KMT2B: variants seen among roughly 807,000 people sequenced by gnomAD.
KMT2B encodes lysine methyltransferase 2B.
Under a neutral mutation model 255.3 loss-of-function variants are expected in KMT2B, and 22 were observed. That is an observed-to-expected ratio of 0.09 (90% CI 0.06 to 0.12). The LOEUF (loss-of-function observed/expected upper bound fraction) is 0.12. KMT2B is among the 10% of genes least tolerant of loss of function. The pLI, the probability that KMT2B is intolerant of heterozygous loss-of-function variation, is 1.00. For missense variants in KMT2B, 3,149 were observed against 3,737.0 expected, an observed-to-expected ratio of 0.84 and a Z score of 4.10; for synonymous variants, 1,730 against 1,498.1, an observed-to-expected ratio of 1.15 and a Z score of -3.57.
At position 35,718,474 on chromosome 19, in the gene KMT2B, G is replaced by A. The variant is rs1393603786; in HGVS notation, c.363+93G>A. On this transcript the variant is annotated intron_variant, in intron 1 of 36. Transcript: ENST00000420124. This position sits in a 1 kb window ranked among gnomAD's most constrained non-coding sequence, Gnocchi z 5.0. ...GTCCCGGGGGCGGCGTGGGCAGGCC[G>A]GGTCCTCAGGGTTCCTTCGGAGAGA... The A allele has an allele frequency of 2.8e-5, 33 of 1,179,206 alleles. No homozygotes were observed. In the East Asian group the frequency reaches 1.2e-3, roughly 42 times the overall value. 73.0% of individuals were successfully genotyped at this position (1,179,206 alleles called of 1,614,324 possible). A position where few individuals can be genotyped will look rare whatever the true frequency, so the allele number is the denominator to read the frequency against.
In KMT2B at chr19:35,727,089, G is replaced by T; in HGVS notation, c.4004-67G>T. 8.7e-7 allele frequency: 1 copy of T among 1,147,078 alleles called. No homozygotes were observed. Among genetic ancestry groups the T allele is most frequent in the South Asian group, 1.4e-5 (1 of 73,174 alleles). 71.1% of individuals were successfully genotyped at this position (1,147,078 alleles called of 1,614,324 possible). ...GGCAGCTAAGGTACTGCTAATCCTT[G>T]AACAGAGACACTCAGGGCTGAGTGG... is the stretch of plus-strand genomic sequence containing the variant. On this transcript the variant is annotated intron_variant, in intron 14 of 36. Coordinates refer to ENST00000420124, the MANE Select transcript of KMT2B (RefSeq NM_014727.3). This position sits in a 1 kb window ranked among gnomAD's most constrained non-coding sequence, Gnocchi z 4.2.
chr19:35,724,810 C>G (rs996879032), intron 9 of KMT2B, 79 bp downstream of exon 9: 10 of 1,309,228 alleles, frequency 7.6e-6, no homozygotes, highest in South Asian at 7.6e-5. Context: ...ACCTGAGTGT[C>G]GTGGTGTGTC....
rs747264846 is a variant in KMT2B at position 35,723,043 on chromosome 19, G to C, written c.2771G>C (p.Arg924Pro). ...GAGAGTGTCCCGTCACGGTCCCGGC[G>C]GGGAAAGGTGGAGGCAGCAGGCCCT... ...ETESVPSRSR[R>P]GKVEAAGPGG... The change falls in exon 6 of 37, where the codon CGG (arginine) becomes CCG (proline). Residue 924 changes from arginine to proline, a missense_variant. Physicochemically the swap from Arg to Pro is moderately radical, Grantham distance 103. This residue lies in a region of KMT2B where 132 missense variants were observed against 174.7 expected (regional missense o/e 0.76). Transcript: ENST00000420124. The surrounding 1 kb of genome is among the most constrained non-coding windows in gnomAD (Gnocchi z 7.5). 1.4e-5 allele frequency: 22 copies of C among 1,611,666 alleles called. No individual in the cohort carries two copies. The highest frequency in any genetic ancestry group is 1.7e-5 in the Non-Finnish European group (20 of 1,178,854).
intron 1 of KMT2B, among the ~76,000 whole-genome samples, chr19:35,719,180 C>T (rs1467204821): frequency 6.6e-6 from 1 of 152,122 alleles, no homozygotes; most frequent in East Asian, 1.9e-4. Flanking sequence ...GGGCCTGCTG[C>T]CTTTCCTGAG....
Position 35,723,035 on chromosome 19 carries a change from G to T in KMT2B, c.2763G>T (p.Arg921=). ...SASETESVPS[R]SRRGKVEAAG... The stretch of plus-strand genomic sequence containing the variant: ...CCGAGACTGAGAGTGTCCCGTCACG[G>T]TCCCGGCGGGGAAAGGTGGAGGCAG... Residue 921 remains arginine (R), a synonymous_variant, in exon 6 of 37, where the codon CGG becomes CGT. Transcript: ENST00000420124. This position sits in a 1 kb window ranked among gnomAD's most constrained non-coding sequence, Gnocchi z 7.5. The T allele has an allele frequency of 6.2e-7, 1 of 1,611,556 alleles. No individual in the cohort carries two copies.
intron 22 of KMT2B, 80 bp from the exon 23 acceptor site, chr19:35,729,887 C>A (rs1969623961): frequency 7.1e-7 from 1 of 1,400,356 alleles, no homozygotes; most frequent in Non-Finnish European, 9.7e-7. Flanking sequence ...AGACAGGGAC[C>A]CATGCAGACT....
At chr19:35,722,257 C>T (rs1372048941) in intron 3 of KMT2B, 102 bp from the exon 4 acceptor site, 4 of 1,215,826 alleles carry the variant, frequency 3.3e-6, no homozygotes, top group Admixed American at 5.0e-5. Flanking sequence ...CCCGTCTCGG[C>T]CTCCCAAAGT....
At chr19:35,728,928 TTGG>T (rs765806996) in intron 20 of KMT2B, 39 bp downstream of exon 20, 79 of 1,609,420 alleles carry the variant, frequency 4.9e-5, no homozygotes, top group Non-Finnish European at 6.5e-5. Context: ...GGGCCCTGTG[TTGG>T]TGGCCTGGCT....
rs376705547 is a variant in KMT2B, at chr19:35,721,684, C to G, written c.2337C>G (p.Gly779=). The stretch of plus-strand genomic sequence containing the variant: ...CCCTGGAAAAAGCCCGGATTGCGGG[C>G]GTGGGTTCCTTGCCGCTGTCTGGGG... The part of the protein sequence containing the change: ...MPPLEKARIA[G]VGSLPLSGVE... The change falls in exon 3 of 37, where the codon GGC becomes GGG. Residue 779 remains glycine (G), a synonymous_variant. Coordinates refer to ENST00000420124, the MANE Select transcript of KMT2B (RefSeq NM_014727.3). 1 of 1,611,294 alleles carries G rather than the reference C, an allele frequency of 6.2e-7. No homozygotes were observed. Among genetic ancestry groups the G allele is most frequent in the Non-Finnish European group, 8.5e-7 (1 of 1,178,598 alleles).
chr19:35,732,972 C>A lies in KMT2B; in HGVS notation c.6423C>A (p.Pro2141=). 6.2e-7 allele frequency: 1 copy of A among 1,603,822 alleles called. No individual in the cohort carries two copies. Among genetic ancestry groups the A allele is most frequent in the Non-Finnish European group, 8.5e-7 (1 of 1,175,972 alleles). ...PREESLPPAP[P]LANGSQPSQG... is the part of the protein sequence containing the mutation. ...AGGAGTCACTCCCCCCGGCGCCTCCCCTGGCTAATGGCAGCCAGCCCTCCC... is the reference window on the plus strand; with the variant it reads ...AGGAGTCACTCCCCCCGGCGCCTCCACTGGCTAATGGCAGCCAGCCCTCCC... The change falls in exon 28 of 37, where the codon CCC becomes CCA. Residue 2141 remains proline (P), a synonymous_variant. Coordinates refer to ENST00000420124, the MANE Select transcript of KMT2B (RefSeq NM_014727.3).
intron 3 of KMT2B, 111 bp downstream of exon 3, chr19:35,721,915 C>T: frequency 7.2e-7 from 1 of 1,380,914 alleles, no homozygotes; most frequent in Non-Finnish European, 9.5e-7. Flanking sequence ...GGGGAACCCT[C>T]AGAACCTGCC....
Position 35,737,298 on chromosome 19 carries a change from C to A in KMT2B, c.7550+35C>A. ...CTGGGGTGTGATGCCTGGGTCAGGGCGCCCCTATGAGAGCTCTTGAGGGTG... is the reference window on the plus strand; with the variant it reads ...CTGGGGTGTGATGCCTGGGTCAGGGAGCCCCTATGAGAGCTCTTGAGGGTG... On this transcript the variant is annotated intron_variant, in intron 33 of 36. Transcript: ENST00000420124. This position sits in a 1 kb window ranked among gnomAD's most constrained non-coding sequence, Gnocchi z 5.3. The A allele has an allele frequency of 6.8e-7, 1 of 1,464,518 alleles. No homozygotes were observed. The highest frequency in any genetic ancestry group is 9.0e-7 in the Non-Finnish European group (1 of 1,109,006). The allele number at this position is 1,464,518 out of a possible 1,614,324, so 90.7% of individuals were successfully genotyped here.
chr19:35,724,713 C>G lies in KMT2B; in HGVS notation c.3411C>G (p.Ala1137=). Residue 1137 remains alanine, a synonymous_variant, in exon 9 of 37, where the codon GCC becomes GCG. Transcript: ENST00000420124. Reference sequence around the variant, plus strand: ...TGCAGCCTGTGTTGCAGCTCAAGGCCCGAAGGCGCCTGGACAAGGTCAGCA... The same window carrying G: ...TGCAGCCTGTGTTGCAGCTCAAGGCGCGAAGGCGCCTGGACAAGGTCAGCA... ...PTLQPVLQLK[A]RRRLDKDALA... 1 of 1,592,114 alleles carries G rather than the reference C, an allele frequency of 6.3e-7. No homozygotes were observed.
Position 35,732,646 on chromosome 19 carries a change from C to T in KMT2B, c.6097C>T (p.Arg2033Cys), listed in dbSNP as rs762187488. 51 of 1,610,422 alleles carry T rather than the reference C, an allele frequency of 3.2e-5. No individual in the cohort carries two copies. The highest frequency in any genetic ancestry group is 1.0e-4 in the Admixed American group (6 of 59,612). ...CGAGGAGGAGTCCAGCCCCACCTCC[C>T]GCTACATCCACTTCCCTGTGACTGT... ...SSEEESSPTS[R>C]YIHFPVTVVS... Residue 2033 changes from arginine to cysteine, a missense_variant, in exon 28 of 37, where the codon CGC (arginine) becomes TGC (cysteine). Transcript: ENST00000420124.
chr19:35,723,130 T>C lies in KMT2B; in HGVS notation c.2858T>C (p.Leu953Pro), dbSNP rs1187877667. ...CTGGCCCACACACCCCGGCGCTCAC[T>C]GCCCTCCCATCACGGCAAGAAGATG... ...GTLAHTPRRS[L>P]PSHHGKKMRM... The change falls in exon 6 of 37, where the codon CTG becomes CCG. Residue 953 changes from leucine (L) to proline (P), a missense_variant. Leu to Pro is a moderately conservative substitution (Grantham distance 98). Transcript: ENST00000420124. This position sits in a 1 kb window ranked among gnomAD's most constrained non-coding sequence, Gnocchi z 7.5. 1.9e-6 allele frequency: 3 copies of C among 1,613,360 alleles called. No individual in the cohort carries two copies. Among genetic ancestry groups the C allele is most frequent in the Non-Finnish European group, 1.7e-6 (2 of 1,179,866 alleles).
rs1014473416 is a variant in KMT2B, at chr19:35,732,828, A to G, written c.6279A>G (p.Ala2093=). The G allele has an allele frequency of 3.1e-6, 5 of 1,607,490 alleles. No homozygotes were observed. Among genetic ancestry groups the G allele is most frequent in the Admixed American group, 1.7e-5 (1 of 59,096 alleles). Residue 2093 remains alanine (A), a synonymous_variant, in exon 28 of 37, where the codon GCA becomes GCG. Coordinates refer to ENST00000420124, the MANE Select transcript of KMT2B (RefSeq NM_014727.3). ...TPPSGPGVVR[A]GVLGAAGDRA... ...CTTCGGGGCCAGGAGTAGTCCGGGC[A>G]GGGGTCCTTGGGGCTGCAGGGGACA...
Position 35,726,289 on chromosome 19 carries a change from C to G in KMT2B, c.3939C>G (p.Asn1313Lys), listed in dbSNP as rs2146452260. 6.2e-7 allele frequency: 1 copy of G among 1,613,934 alleles called. No individual in the cohort carries two copies. Among genetic ancestry groups the G allele is most frequent in the East Asian group, 2.2e-5 (1 of 44,890 alleles). Residue 1313 changes from asparagine to lysine, a missense_variant, in exon 14 of 37, where the codon AAC becomes AAG. Physicochemically the swap from Asn to Lys is moderately conservative, Grantham distance 94. Around this residue, in one of 18 missense-constraint regions of KMT2B, gnomAD observed 377 missense variants for 471.0 expected, o/e 0.80. Transcript: ENST00000420124. The part of the protein sequence containing the change: ...CKSCGATPGK[N>K]WDVEWSGDYS... ...GCTGTGGGGCAACTCCAGGCAAGAACTGGGACGTCGAGTGGTCTGGAGATT... is the reference window on the plus strand; with the variant it reads ...GCTGTGGGGCAACTCCAGGCAAGAAGTGGGACGTCGAGTGGTCTGGAGATT...
chr19:35,724,110 AGAGAAGGTGGCTG>A (rs1198718914), intron 8 of KMT2B, 103 bp downstream of exon 8: 1 of 1,187,646 alleles, frequency 8.4e-7, no homozygotes, highest in African/African-American at 1.5e-5. Context: ...TCAGTCTGAT[AGAGAAGGTGGCTG>A]AGGGCGGAGG....
At chr19:35,728,514 G>A (rs1969557669) in intron 19 of KMT2B, among the ~76,000 whole-genome samples, 1 of 152,132 alleles carries the variant, frequency 6.6e-6, no homozygotes, top group Non-Finnish European at 1.5e-5. Flanking sequence ...GTACCTGCTG[G>A]AGCCGAGGTG....
Sources: allele counts gnomAD v4.1 joint callset (sites outside exome capture counted in the v4.1 genomes callset), GRCh38; gene constraint gnomAD v4.1.1; regional missense constraint gnomAD v4.1.1; non-coding constraint Gnocchi (gnomAD v3.1); transcripts MANE v1.5; gene names NCBI Gene and HGNC (gene_info 2026-07-23, HGNC 2026-07-21).